PRDM6: variants seen among roughly 807,000 people sequenced by gnomAD.
The protein encoded by PRDM6 is putative histone-lysine N-methyltransferase PRDM6.
PRDM6 carries 25 observed loss-of-function variants against 60.8 expected under a neutral mutation model. The ratio of observed to expected loss-of-function variants is 0.41; its 90% CI spans 0.30 to 0.57. The LOEUF is 0.57. PRDM6 is among the 20% of genes least tolerant of loss of function. PRDM6 has a pLI of 0.27. For missense variants in PRDM6, 839 were observed against 821.3 expected (o/e 1.02, Z -0.26); for synonymous variants, 407 against 357.4 (o/e 1.14, Z -1.57).
Position 123,156,318 on chromosome 5 carries a change from G to A in PRDM6, c.1028+307G>A, listed in dbSNP as rs147515883. On this transcript the variant is annotated intron_variant, in intron 4 of 7. Transcript: ENST00000407847. ...GAGCCCAGCAAACCCACTGACTTGG[G>A]GTGCTTTTCCCAAGCAGTCGTCTTC... Among the ~76,000 whole-genome samples the A allele has an allele frequency of 1.8e-3, 267 of 152,232 alleles. 5 individuals are homozygous for A. The East Asian group carries it at 0.04, about 23-fold the overall frequency.
intron 4 of PRDM6, among the ~76,000 whole-genome samples, chr5:123,158,931 A>C (rs1271066709): frequency 6.6e-6 from 1 of 152,186 alleles, no homozygotes; most frequent in Non-Finnish European, 1.5e-5. Context: ...CAGCCAGAGT[A>C]AAGTGCTCCT....
At chr5:123,152,937 A>G (rs1332526949) in intron 3 of PRDM6, among the ~76,000 whole-genome samples, 3 of 152,218 alleles carry the variant, frequency 2.0e-5, no homozygotes. Context: ...AAATAGAATT[A>G]GATTCAATAC....
At chr5:123,160,248 T>C (rs1219300992) in intron 5 of PRDM6, among the ~76,000 whole-genome samples, 1 of 152,230 alleles carries the variant, frequency 6.6e-6, no homozygotes, top group African/African-American at 2.4e-5. Context: ...GTGCCAACCA[T>C]TATCTTTAAA....
chr5:123,127,313 C>T (rs1444638474), intron 3 of PRDM6, among the ~76,000 whole-genome samples: 3 of 152,184 alleles, frequency 2.0e-5, no homozygotes, highest in Non-Finnish European at 4.4e-5. Flanking sequence ...GCTGGGATTA[C>T]AGGCATGAGC....
At chr5:123,150,333 A>G (rs543473282) in intron 3 of PRDM6, among the ~76,000 whole-genome samples, 2 of 152,280 alleles carry the variant, frequency 1.3e-5, no homozygotes, top group South Asian at 2.1e-4. Context: ...TCTACACCCT[A>G]TGGTCGCCCT....
rs141732582 is a variant in PRDM6 at position 123,143,853 on chromosome 5, A to G, written c.901-12031A>G. Reference sequence around the variant, plus strand: ...ACTTAATGCTTTTAATACCAGAAACATAGAACTGTGCTATTCATAAGTTAA... The same window carrying G: ...ACTTAATGCTTTTAATACCAGAAACGTAGAACTGTGCTATTCATAAGTTAA... On this transcript the variant is annotated intron_variant, in intron 3 of 7. Transcript: ENST00000407847. Among the ~76,000 whole-genome samples, 645 of 152,310 alleles carry G rather than the reference A, an allele frequency of 4.2e-3. 16 individuals are homozygous for G. Among genetic ancestry groups the G allele is most frequent in the East Asian group, 3.1e-3 (16 of 5,194 alleles).
At chr5:123,167,616 C>T (rs1351140193) in intron 5 of PRDM6, among the ~76,000 whole-genome samples, 2 of 152,074 alleles carry the variant, frequency 1.3e-5, no homozygotes, top group Non-Finnish European at 2.9e-5. Context: ...CTTGAACTCC[C>T]GACCTCAGGT....
At chr5:123,101,684 G>T (rs548212922) in intron 3 of PRDM6, among the ~76,000 whole-genome samples, 27 of 152,234 alleles carry the variant, frequency 1.8e-4, no homozygotes, top group African/African-American at 5.8e-4. Context: ...AGTGCCAGGG[G>T]ACAAAGACAT....
intron 5 of PRDM6, among the ~76,000 whole-genome samples, chr5:123,161,949 G>A (rs553797393): frequency 6.6e-6 from 1 of 152,322 alleles, no homozygotes; most frequent in Admixed American, 6.5e-5. Context: ...TGGTGGTTTG[G>A]ACTAGTATGG....
At chr5:123,132,916 T>C (rs1457895978) in intron 3 of PRDM6, among the ~76,000 whole-genome samples, 1 of 152,142 alleles carries the variant, frequency 6.6e-6, no homozygotes, top group Non-Finnish European at 1.5e-5. Context: ...TGATTAACTC[T>C]TACATGTTAT....
At chr5:123,111,558 T>G (rs930686911) in intron 3 of PRDM6, among the ~76,000 whole-genome samples, 17 of 151,844 alleles carry the variant, frequency 1.1e-4, no homozygotes, top group Non-Finnish European at 2.4e-4. Flanking sequence ...ATTGTCCGGG[T>G]GTGGTGACGG....
chr5:123,122,316 G>C (rs185923005), intron 3 of PRDM6, among the ~76,000 whole-genome samples: 1 of 152,254 alleles, frequency 6.6e-6, no homozygotes, highest in Admixed American at 6.5e-5. Context: ...CAGTACAAAG[G>C]AGTAAATTTA....
intron 3 of PRDM6, among the ~76,000 whole-genome samples, chr5:123,118,149 C>T (rs539179020): frequency 7.9e-5 from 12 of 152,288 alleles, no homozygotes; most frequent in African/African-American, 2.6e-4. Flanking sequence ...CAACTCAAGC[C>T]TCCTCTGGAT....
At chr5:123,171,227 T>A in intron 6 of PRDM6, 119 bp downstream of exon 6, 1 of 813,346 alleles carries the variant, frequency 1.2e-6, no homozygotes, top group Non-Finnish European at 1.9e-6. Context: ...GTCTGCATTC[T>A]GGAAGGTCAG....
intron 6 of PRDM6, among the ~76,000 whole-genome samples, chr5:123,177,674 A>G (rs180755145): frequency 2.0e-5 from 3 of 152,338 alleles, no homozygotes; most frequent in African/African-American, 7.2e-5. Flanking sequence ...CATGATGGAG[A>G]ATAGAGATCA....
At chr5:123,100,619 G>A (rs1158599953) in intron 3 of PRDM6, among the ~76,000 whole-genome samples, 1 of 152,182 alleles carries the variant, frequency 6.6e-6, no homozygotes, top group Non-Finnish European at 1.5e-5. Flanking sequence ...TCTGATGAAC[G>A]GAAATTATGT....
At chr5:123,162,467 G>T (rs992772160) in intron 5 of PRDM6, among the ~76,000 whole-genome samples, 1 of 152,118 alleles carries the variant, frequency 6.6e-6, no homozygotes, top group Non-Finnish European at 1.5e-5. Flanking sequence ...TTGATGATTA[G>T]AGTATTGAAT....
At chr5:123,140,153 T>C (rs1219656220) in intron 3 of PRDM6, among the ~76,000 whole-genome samples, 1 of 151,842 alleles carries the variant, frequency 6.6e-6, no homozygotes, top group Non-Finnish European at 1.5e-5. Flanking sequence ...ATGAAAAAAA[T>C]GGGTTAAGTT....
In PRDM6 at chr5:123,187,325, T is replaced by A; in HGVS notation, c.*124T>A. ...AGTCCCAGAAAACCAAAAGCAGTAA[T>A]AAAATAAGTAAGATGTTAAGAGATA... On this transcript the variant is annotated 3_prime_UTR_variant, in exon 8 of 8. Transcript: ENST00000407847. 1.6e-6 allele frequency: 1 copy of A among 641,240 alleles called. No homozygotes were observed. The highest frequency in any genetic ancestry group is 2.8e-6 in the Non-Finnish European group (1 of 356,076). The allele number at this position is 641,240 out of a possible 1,614,324, so 39.7% of individuals were successfully genotyped here. A position where few individuals can be genotyped will look rare whatever the true frequency, so the allele number is the denominator to read the frequency against.
Sources: allele counts gnomAD v4.1 joint callset (sites outside exome capture counted in the v4.1 genomes callset), GRCh38; gene constraint gnomAD v4.1.1; transcripts MANE v1.5; gene names NCBI Gene and HGNC (gene_info 2026-07-23, HGNC 2026-07-21).